Variants in CACNA1C observed in about 807,000 individuals in gnomAD.
The protein encoded by CACNA1C is calcium voltage-gated channel subunit alpha1 C.
Under a neutral mutation model 229.0 loss-of-function variants are expected in CACNA1C, and 30 were observed. The observed-to-expected ratio is 0.13, with a 90% CI of 0.10 to 0.18. CACNA1C has a LOEUF of 0.18. Among genes scored for constraint, CACNA1C ranks in the 10% least tolerant of loss-of-function variants. The pLI is 1.00. For missense variants in CACNA1C, 1,658 were observed against 2,845.0 expected (o/e 0.58, Z 9.49); for synonymous variants, 1,114 against 1,132.5 (o/e 0.98, Z 0.33).
intron 3 of CACNA1C, among the ~76,000 whole-genome samples, chr12:2,333,118 G>T (rs561531134): frequency 6.6e-6 from 1 of 152,326 alleles, no homozygotes; most frequent in African/African-American, 2.4e-5. Flanking sequence ...AGGGGTTGCT[G>T]ATGTCATGGT....
rs978793665 is a variant in CACNA1C at position 2,604,960 on chromosome 12, G to T, written c.2961-121G>T. On this transcript the variant is annotated intron_variant, in intron 22 of 46. Coordinates refer to ENST00000399655, the MANE Select transcript of CACNA1C (RefSeq NM_000719.7). Reference sequence around the variant, plus strand: ...CCCAGAATGCGAACATCCCCAAGATGGGCTTTATGTTTTCTCAGGTTTGCC... The same window carrying T: ...CCCAGAATGCGAACATCCCCAAGATTGGCTTTATGTTTTCTCAGGTTTGCC... The T allele has an allele frequency of 5.4e-6, 4 of 747,432 alleles. No homozygotes were observed. In the African/African-American group the frequency reaches 6.9e-5, roughly 13 times the overall value. The allele number at this position is 747,432 out of a possible 1,614,324, so 46.3% of individuals were successfully genotyped here. A position where few individuals can be genotyped will look rare whatever the true frequency, so the allele number is the denominator to read the frequency against.
intron 3 of CACNA1C, among the ~76,000 whole-genome samples, chr12:2,252,704 G>A (rs1280933168): frequency 8.5e-5 from 13 of 152,144 alleles, no homozygotes; most frequent in Admixed American, 5.2e-4. Context: ...GTGTTTGTGC[G>A]GGGACAGCTG....
chr12:2,564,278 A>G (rs1467163494), intron 11 of CACNA1C, among the ~76,000 whole-genome samples: 2 of 152,162 alleles, frequency 1.3e-5, no homozygotes, highest in Non-Finnish European at 2.9e-5. Context: ...GCCAGGCATG[A>G]CCTACTCAAT....
chr12:2,236,327 G>T (rs948166136), intron 3 of CACNA1C, among the ~76,000 whole-genome samples: 1 of 152,214 alleles, frequency 6.6e-6, no homozygotes, highest in African/African-American at 2.4e-5. Flanking sequence ...ACATTGAGCA[G>T]CAGTGCTGTA....
intron 1 of CACNA1C, among the ~76,000 whole-genome samples, chr12:2,006,779 G>T (rs1343002497): frequency 6.6e-6 from 1 of 152,128 alleles, no homozygotes; most frequent in Non-Finnish European, 1.5e-5. Context: ...GACTGAGGCT[G>T]GGGTCATTTG....
intron 9 of CACNA1C, among the ~76,000 whole-genome samples, chr12:2,539,167 C>T (rs986601755): frequency 6.6e-6 from 1 of 152,164 alleles, no homozygotes; most frequent in African/African-American, 2.4e-5. Flanking sequence ...CGGTCAGTGT[C>T]CCCATGGAAA....
In CACNA1C at chr12:2,648,372, C is replaced by T. The variant is rs1349561281; in HGVS notation, c.3913-103C>T. 7.4e-6 allele frequency: 8 copies of T among 1,087,470 alleles called. No individual in the cohort carries two copies. In the South Asian group the frequency reaches 7.5e-5, roughly 10 times the overall value. 67.4% of individuals were successfully genotyped at this position (1,087,470 alleles called of 1,614,324 possible). ...TTTCTTTCACTTGTTTCCTTTTGCC[C>T]TCTTCTGCCACTGTGTTGCTCCCGT... On this transcript the variant is annotated intron_variant, in intron 30 of 46. Transcript: ENST00000399655.
intron 3 of CACNA1C, among the ~76,000 whole-genome samples, chr12:2,211,151 C>T (rs920375511): frequency 4.6e-5 from 7 of 152,180 alleles, no homozygotes; most frequent in African/African-American, 9.7e-5. Flanking sequence ...GTCCCTTCAG[C>T]GTCAGCAATG....
chr12:2,284,918 G>T (rs2092377374), intron 3 of CACNA1C, among the ~76,000 whole-genome samples: 1 of 152,144 alleles, frequency 6.6e-6, no homozygotes, highest in Non-Finnish European at 1.5e-5. Flanking sequence ...TACCTTCCTG[G>T]TAGCCACAGA....
chr12:2,214,063 C>T (rs1456275291), intron 3 of CACNA1C, among the ~76,000 whole-genome samples: 1 of 152,224 alleles, frequency 6.6e-6, no homozygotes, highest in Middle Eastern at 3.2e-3. Flanking sequence ...GAGTCAGTAA[C>T]ACCACCATAG....
chr12:2,106,175 A>G (rs12813513), intron 1 of CACNA1C, among the ~76,000 whole-genome samples: 1,153 of 12,092 alleles, frequency 0.095, 142 homozygotes, highest in African/African-American at 0.2. Context: ...CCCTGGAGAG[A>G]GTTTCCACCT....
At chr12:2,440,635 G>A (rs1221236529) in intron 3 of CACNA1C, among the ~76,000 whole-genome samples, 1 of 152,138 alleles carries the variant, frequency 6.6e-6, no homozygotes, top group Non-Finnish European at 1.5e-5. Flanking sequence ...AGCTCCTGTT[G>A]GGCACAGTAA....
intron 3 of CACNA1C, among the ~76,000 whole-genome samples, chr12:2,179,989 C>T (rs373773084): frequency 7.2e-5 from 11 of 152,352 alleles, no homozygotes; most frequent in African/African-American, 2.6e-4. Flanking sequence ...GTCCTCAAGG[C>T]CCTTCCTTCT....
rs1216417178 is a variant in CACNA1C at position 2,585,049 on chromosome 12, C to T, written c.2340-327C>T. Among the ~76,000 whole-genome samples, 1 of 152,138 alleles carries T rather than the reference C, an allele frequency of 6.6e-6. No homozygotes were observed. The highest frequency in any genetic ancestry group is 1.5e-5 in the Non-Finnish European group (1 of 68,026). ...TATCATTATCTAGACGGGACAGTTC[C>T]AGGCCACACAGCTGCCGGGCACTGA... is the stretch of plus-strand genomic sequence containing the variant. On this transcript the variant is annotated intron_variant, in intron 16 of 46. Transcript: ENST00000399655. This position sits in a 1 kb window ranked among gnomAD's most constrained non-coding sequence, Gnocchi z 4.1.
intron 1 of CACNA1C, among the ~76,000 whole-genome samples, chr12:2,002,440 T>C (rs1477138667): frequency 6.6e-6 from 1 of 152,238 alleles, no homozygotes; most frequent in African/African-American, 2.4e-5. Context: ...GAATGAATTA[T>C]GCCCTGTCTG....
At chr12:2,090,619 C>T (rs572539498) in intron 1 of CACNA1C, among the ~76,000 whole-genome samples, 5 of 152,160 alleles carry the variant, frequency 3.3e-5, no homozygotes, top group East Asian at 1.9e-4. Context: ...TGCCCAGCCA[C>T]GGATAGATTA....
rs2099066290 is a variant in CACNA1C at position 2,429,863 on chromosome 12, T to C, written c.478-19113T>C. On this transcript the variant is annotated intron_variant, in intron 3 of 46. Coordinates refer to ENST00000399655, the MANE Select transcript of CACNA1C (RefSeq NM_000719.7). ...CACAAGCTCATGAGTTCAGGCCAAT[T>C]GTGGTGAGGAGTAGGAGAGGAGGCT... 3.3e-5 allele frequency among the ~76,000 whole-genome samples: 5 copies of C among 152,234 alleles called. No individual in the cohort carries two copies. The South Asian group carries it at 1.0e-3, about 32-fold the overall frequency.
intron 30 of CACNA1C, among the ~76,000 whole-genome samples, chr12:2,638,097 C>T (rs1367090665): frequency 6.6e-6 from 1 of 152,182 alleles, no homozygotes; most frequent in African/African-American, 2.4e-5. Flanking sequence ...CCCCTGCCTT[C>T]ACAGATTTGC....
chr12:2,129,141 T>C (rs2091393819), intron 3 of CACNA1C, among the ~76,000 whole-genome samples: 1 of 152,188 alleles, frequency 6.6e-6, no homozygotes, highest in Non-Finnish European at 1.5e-5. Flanking sequence ...TGCTCTGTGT[T>C]GCCCCAAGAA....
Sources: gnomAD v4.1 joint callset for allele counts (sites outside exome capture counted in the v4.1 genomes callset) on GRCh38, gnomAD v4.1.1 for gene constraint, Gnocchi (gnomAD v3.1) non-coding constraint, MANE v1.5 for transcripts, NCBI Gene and HGNC (gene_info 2026-07-23, HGNC 2026-07-21) for gene names.